Variants in TGFBI observed in about 807,000 individuals in gnomAD.
TGFBI encodes the protein transforming growth factor-beta-induced protein ig-h3.
Under a neutral mutation model 73.7 loss-of-function variants are expected in TGFBI, and 50 were observed. The ratio of observed to expected loss-of-function variants is 0.68; its 90% CI spans 0.54 to 0.86. The LOEUF (loss-of-function observed/expected upper bound fraction) is 0.86. Ranked by LOEUF, TGFBI falls within the 40% of genes least tolerant of loss-of-function variation. The pLI is 0.00. For synonymous variants in TGFBI, 362 were observed against 360.5 expected (o/e 1.00, Z -0.05); for missense variants, 839 against 877.0 (o/e 0.96, Z 0.55).
At chr5:136,059,057 A>T (rs1291786302) in intron 12 of TGFBI, 33 bp from the exon 13 acceptor site, 1 of 1,601,750 alleles carries the variant, frequency 6.2e-7, no homozygotes, top group Admixed American at 1.7e-5. Context: ...CATTCTTGGG[A>T]TTAACTCTAT....
chr5:136,062,796 A>G (rs183242925), intron 16 of TGFBI, 109 bp downstream of exon 16: 10 of 1,241,316 alleles, frequency 8.1e-6, no homozygotes, highest in South Asian at 5.6e-5. Context: ...ATGGTGCAGT[A>G]AAAGAAGCCT....
At chr5:136,047,173 C>T (rs1561610235) in intron 5 of TGFBI, 101 bp from the exon 6 acceptor site, 1 of 1,552,106 alleles carries the variant, frequency 6.4e-7, no homozygotes, top group East Asian at 2.3e-5. Context: ...GTGGAACCCA[C>T]ATTTTGCTAC....
chr5:136,042,674 G>GAA (rs138820013), intron 2 of TGFBI, among the ~76,000 whole-genome samples: 10 of 150,910 alleles, frequency 6.6e-5, no homozygotes, highest in African/African-American at 2.0e-4. Context: ...AAGCAAACAG[G>GAA]AAAAAAAAAG....
chr5:136,048,340 T>C (rs1362102719), intron 6 of TGFBI: 1 of 152,218 alleles, frequency 6.6e-6, no homozygotes, highest in East Asian at 1.9e-4. Flanking sequence ...CCTCTTACTG[T>C]TTAGATTTGG....
At chr5:136,056,278 T>A (rs554651448) in intron 11 of TGFBI, among the ~76,000 whole-genome samples, 3 of 152,318 alleles carry the variant, frequency 2.0e-5, no homozygotes, top group East Asian at 3.9e-4. Flanking sequence ...TCATATTGAA[T>A]GTTTCCCTGT....
rs1425265114 is a variant in TGFBI, at chr5:136,054,743, C to A, written c.1292C>A (p.Thr431Lys). 1.2e-6 allele frequency: 2 copies of A among 1,613,944 alleles called. No homozygotes were observed. Among genetic ancestry groups the A allele is most frequent in the Non-Finnish European group, 1.7e-6 (2 of 1,179,876 alleles). ...GGAACCCCTCCAATTGATGCCCATACAAGGAATTTGCTTCGGAACCACATA... is the reference window on the plus strand; with the variant it reads ...GGAACCCCTCCAATTGATGCCCATAAAAGGAATTTGCTTCGGAACCACATA... ...KDGTPPIDAHTRNLLRNHIIK... is the reference protein window; with the variant it reads ...KDGTPPIDAHKRNLLRNHIIK... Residue 431 changes from threonine (T) to lysine (K), a missense_variant, in exon 10 of 17, where the codon ACA becomes AAA. Coordinates refer to ENST00000442011, the MANE Select transcript of TGFBI (RefSeq NM_000358.3).
intron 11 of TGFBI, 84 bp from the exon 12 acceptor site, chr5:136,056,581 T>TTAAGGAAAA: frequency 6.3e-7 from 1 of 1,586,524 alleles, no homozygotes; most frequent in South Asian, 1.1e-5. Flanking sequence ...GGTGAGGTAT[T>TTAAGGAAAA]TAAGGAAAAT....
intron 1 of TGFBI, among the ~76,000 whole-genome samples, chr5:136,030,519 A>G (rs1010077913): frequency 2.6e-4 from 39 of 152,268 alleles, no homozygotes; most frequent in African/African-American, 9.4e-4. Context: ...TGCAACCTCA[A>G]CACCCTCCTG....
rs1751784342 is a variant in TGFBI at position 136,063,327 on chromosome 5, C to T, written c.*101C>T. 1 of 1,071,462 alleles carries T rather than the reference C, an allele frequency of 9.3e-7. No homozygotes were observed. The highest frequency in any genetic ancestry group is 1.4e-6 in the Non-Finnish European group (1 of 706,574). The allele number at this position is 1,071,462 out of a possible 1,614,324, so 66.4% of individuals were successfully genotyped here. On this transcript the variant is annotated 3_prime_UTR_variant, in exon 17 of 17. Transcript: ENST00000442011. Reference sequence around the variant, plus strand: ...AATGTTTTCAAAACCAAGTATCACACTTTAATGTACATGGGCCGCACCATA... The same window carrying T: ...AATGTTTTCAAAACCAAGTATCACATTTTAATGTACATGGGCCGCACCATA...
chr5:136,060,532 G>A (rs1175522903), intron 13 of TGFBI, among the ~76,000 whole-genome samples: 4 of 152,170 alleles, frequency 2.6e-5, no homozygotes, highest in Admixed American at 6.5e-5. Flanking sequence ...CCAACGTGGT[G>A]AAACCACATC....
rs1437076864 is a variant in TGFBI at position 136,029,099 on chromosome 5, C to T, written c.44C>T (p.Ala15Val). Reference protein sequence around the residue: ...VRLLALALALALGPAATLAGP... With the variant: ...VRLLALALALVLGPAATLAGP... ...CTGCTGGCTCTCGCCCTGGCTCTGG[C>T]CCTGGGCCCCGCCGCGACCCTGGCG... Residue 15 changes from alanine (A) to valine (V), a missense_variant, in exon 1 of 17, where the codon GCC (alanine) becomes GTC (valine). Physicochemically the swap from Ala to Val is moderately conservative, Grantham distance 64 (BLOSUM62 0). Coordinates refer to ENST00000442011, the MANE Select transcript of TGFBI (RefSeq NM_000358.3). The T allele has an allele frequency of 2.0e-6, 3 of 1,526,574 alleles. No individual in the cohort carries two copies. Among genetic ancestry groups the T allele is most frequent in the South Asian group, 1.2e-5 (1 of 83,158 alleles). The allele number at this position is 1,526,574 out of a possible 1,614,324, so 94.6% of individuals were successfully genotyped here. A position where few individuals can be genotyped will look rare whatever the true frequency, so the allele number is the denominator to read the frequency against.
At chr5:136,043,769 G>C (rs1033729696) in intron 2 of TGFBI, among the ~76,000 whole-genome samples, 43 of 152,210 alleles carry the variant, frequency 2.8e-4, no homozygotes, top group African/African-American at 9.7e-4. Flanking sequence ...GGTGCATTAT[G>C]TTTTCTAGTC....
At position 136,029,042 on chromosome 5, in the gene TGFBI, C is replaced by G. The variant is rs1360604866; in HGVS notation, c.-14C>G. ...GTCGGTCGCTAGCTCGCTCGGTGCG[C>G]GTCGTCCCGCTCCATGGCGCTCTTC... is the stretch of plus-strand genomic sequence containing the variant. On this transcript the variant is annotated 5_prime_UTR_variant, in exon 1 of 17. Coordinates refer to ENST00000442011, the MANE Select transcript of TGFBI (RefSeq NM_000358.3). The G allele has an allele frequency of 2.0e-6, 3 of 1,522,476 alleles. No homozygotes were observed. The highest frequency in any genetic ancestry group is 2.6e-6 in the Non-Finnish European group (3 of 1,142,152). The allele number at this position is 1,522,476 out of a possible 1,614,324, so 94.3% of individuals were successfully genotyped here. A position where few individuals can be genotyped will look rare whatever the true frequency, so the allele number is the denominator to read the frequency against.
intron 13 of TGFBI, among the ~76,000 whole-genome samples, chr5:136,059,571 C>T (rs945748961): frequency 2.0e-5 from 3 of 152,198 alleles, no homozygotes; most frequent in Non-Finnish European, 4.4e-5. Flanking sequence ...CCCAGGGCTT[C>T]ACTGAGTTGT....
rs1362001805 is a variant in TGFBI at position 136,059,191 on chromosome 5, G to C, written c.1780G>C (p.Gly594Arg). The C allele has an allele frequency of 2.5e-6, 4 of 1,610,280 alleles. No homozygotes were observed. Among genetic ancestry groups the C allele is most frequent in the Non-Finnish European group, 3.4e-6 (4 of 1,178,894 alleles). ...GALVRLKSLQGDKLEVSLKNN... is the reference protein window; with the variant it reads ...GALVRLKSLQRDKLEVSLKNN... ...CCTGGTGCGGCTAAAGTCTCTCCAA[G>C]GTGACAAGCTGGAAGTCAGCTTGGT... The change falls in exon 13 of 17, where the codon GGT (glycine) becomes CGT (arginine). Residue 594 changes from glycine to arginine, a missense_variant. Coordinates refer to ENST00000442011, the MANE Select transcript of TGFBI (RefSeq NM_000358.3).
chr5:136,029,032 G>A lies in TGFBI; in HGVS notation c.-24G>A. 2 of 1,517,052 alleles carry A rather than the reference G, an allele frequency of 1.3e-6. No homozygotes were observed. The highest frequency in any genetic ancestry group is 2.0e-5 in the Admixed American group (1 of 49,888). 94.0% of individuals were successfully genotyped at this position (1,517,052 alleles called of 1,614,324 possible). ...CCGCTTGCCCGTCGGTCGCTAGCTC[G>A]CTCGGTGCGCGTCGTCCCGCTCCAT... is the stretch of plus-strand genomic sequence containing the variant. On this transcript the variant is annotated 5_prime_UTR_variant, in exon 1 of 17. Coordinates refer to ENST00000442011, the MANE Select transcript of TGFBI (RefSeq NM_000358.3).
intron 2 of TGFBI, 56 bp downstream of exon 2, chr5:136,033,917 C>T: frequency 1.4e-6 from 2 of 1,450,708 alleles, no homozygotes; most frequent in Admixed American, 1.8e-5. Flanking sequence ...GCTGCAGTTC[C>T]CCAGGGCCTG....
chr5:136,058,851 C>T, intron 12 of TGFBI: 1 of 427,882 alleles, frequency 2.3e-6, no homozygotes, highest in Non-Finnish European at 4.1e-6. Context: ...ACCCAGAGGC[C>T]AACTGACTGC....
At chr5:136,035,125 G>A (rs1216620645) in intron 2 of TGFBI, among the ~76,000 whole-genome samples, 2 of 152,190 alleles carry the variant, frequency 1.3e-5, no homozygotes, top group Non-Finnish European at 2.9e-5. Flanking sequence ...CAGTCCCTGG[G>A]AGCCTGTCCA....
Sources: allele counts gnomAD v4.1 joint callset (sites outside exome capture counted in the v4.1 genomes callset), GRCh38; gene constraint gnomAD v4.1.1; transcripts MANE v1.5; gene names NCBI Gene and HGNC (gene_info 2026-07-23, HGNC 2026-07-21).